DNAJC15: variants seen among roughly 807,000 people sequenced by gnomAD.
DNAJC15 encodes dnaJ homolog subfamily C member 15.
A neutral mutation model predicts 22.4 loss-of-function variants in DNAJC15; 27 were observed. The observed-to-expected ratio is 1.20, with a 90% confidence interval of 0.89 to 1.66. The LOEUF is 1.66. Among genes scored for constraint, DNAJC15 ranks in the 40% most tolerant of loss-of-function variants. DNAJC15 has a pLI of 0.00. For synonymous variants in DNAJC15, 79 were observed against 63.2 expected, an observed-to-expected ratio of 1.25 and a Z score of -1.19; for missense variants, 208 against 187.1, an observed-to-expected ratio of 1.11 and a Z score of -0.65.
chr13:43,027,211 C>A (rs2040384412), intron 1 of DNAJC15, among the ~76,000 whole-genome samples: 1 of 152,198 alleles, frequency 6.6e-6, no homozygotes, highest in South Asian at 2.1e-4. Context: ...CCATTACTTT[C>A]CTGAAAACTG....
At chr13:43,100,819 C>T (rs1166803520) in intron 5 of DNAJC15, among the ~76,000 whole-genome samples, 2 of 152,010 alleles carry the variant, frequency 1.3e-5, no homozygotes, top group African/African-American at 4.8e-5. Flanking sequence ...CCTTGTTGGT[C>T]TTTTGTGTGG....
At chr13:43,098,667 A>G (rs897244261) in intron 5 of DNAJC15, among the ~76,000 whole-genome samples, 8 of 152,158 alleles carry the variant, frequency 5.3e-5, no homozygotes, top group African/African-American at 1.9e-4. Context: ...CAATTTTGGA[A>G]CATTTTGATC....
chr13:43,056,702 G>C (rs2153440480), intron 1 of DNAJC15, among the ~76,000 whole-genome samples: 1 of 152,172 alleles, frequency 6.6e-6, no homozygotes, highest in East Asian at 1.9e-4. Context: ...TCCAGTGTTA[G>C]GTACATATAT....
chr13:43,087,828 C>A (rs186376550), intron 5 of DNAJC15, among the ~76,000 whole-genome samples: 46 of 152,180 alleles, frequency 3.0e-4, no homozygotes, highest in Admixed American at 2.6e-3. Flanking sequence ...TGGGAAATGG[C>A]TGAAAATAAA....
intron 1 of DNAJC15, among the ~76,000 whole-genome samples, chr13:43,034,239 C>G (rs943255119): frequency 7.0e-6 from 1 of 142,126 alleles, no homozygotes; most frequent in Admixed American, 6.7e-5. Context: ...GAGTTATGCT[C>G]TCCACTCCTT....
chr13:43,073,466 TTC>T (rs1291207256), intron 3 of DNAJC15, among the ~76,000 whole-genome samples: 1 of 133,808 alleles, frequency 7.5e-6, no homozygotes, highest in Non-Finnish European at 1.6e-5. Context: ...AGGCATATGG[TTC>T]TCTTTCTCAG....
At chr13:43,074,896 A>G (rs1271916387) in intron 3 of DNAJC15, among the ~76,000 whole-genome samples, 2 of 152,172 alleles carry the variant, frequency 1.3e-5, no homozygotes, top group African/African-American at 4.8e-5. Context: ...CATGTCTGCA[A>G]TGAAATGTAG....
intron 5 of DNAJC15, among the ~76,000 whole-genome samples, chr13:43,086,325 A>C (rs1323835749): frequency 1.3e-5 from 2 of 152,160 alleles, no homozygotes; most frequent in African/African-American, 4.8e-5. Flanking sequence ...TTTTAATGTA[A>C]ATTTATCTTA....
At chr13:43,082,993 G>T (rs2040670081) in intron 4 of DNAJC15, among the ~76,000 whole-genome samples, 1 of 151,768 alleles carries the variant, frequency 6.6e-6, no homozygotes. Flanking sequence ...TATGAAATAG[G>T]TTTTTAAAGC....
In DNAJC15 at chr13:43,109,050, C is replaced by T. The variant is rs918093585; in HGVS notation, c.*1802C>T. The T allele has an allele frequency of 6.6e-6, 1 of 152,172 alleles. No individual in the cohort carries two copies. The highest frequency in any genetic ancestry group is 1.5e-5 in the Non-Finnish European group (1 of 68,034). 9.4% of individuals were successfully genotyped at this position (152,172 alleles called of 1,614,324 possible). On this transcript the variant is annotated 3_prime_UTR_variant, in exon 6 of 6. Coordinates refer to ENST00000379221, the MANE Select transcript of DNAJC15 (RefSeq NM_013238.3). ...GCTGAAGGCCAAGCTAAAATGTATC[C>T]CTCTTTTTCTGGTACATGCAGCAAA... is the stretch of plus-strand genomic sequence containing the variant.
At chr13:43,032,293 T>C (rs1010179458) in intron 1 of DNAJC15, among the ~76,000 whole-genome samples, 1 of 152,196 alleles carries the variant, frequency 6.6e-6, no homozygotes, top group African/African-American at 2.4e-5. Flanking sequence ...CAGGAATTGA[T>C]TGGTGAATGC....
rs1173908459 is a variant in DNAJC15, at chr13:43,111,709, C to T, written c.*4461C>T. 6.6e-6 allele frequency: 1 copy of T among 152,164 alleles called. No individual in the cohort carries two copies. Among genetic ancestry groups the T allele is most frequent in the African/African-American group, 2.4e-5 (1 of 41,424 alleles). The allele number at this position is 152,164 out of a possible 1,614,324, so 9.4% of individuals were successfully genotyped here. Reference sequence around the variant, plus strand: ...TTTCACACAGTGGAACCATGCTGTCCTCGGGCACCCTGCACCTCGCCCAAC... The same window carrying T: ...TTTCACACAGTGGAACCATGCTGTCTTCGGGCACCCTGCACCTCGCCCAAC... On this transcript the variant is annotated 3_prime_UTR_variant, in exon 6 of 6. Coordinates refer to ENST00000379221, the MANE Select transcript of DNAJC15 (RefSeq NM_013238.3).
intron 1 of DNAJC15, among the ~76,000 whole-genome samples, chr13:43,050,078 C>T (rs942082262): frequency 6.6e-6 from 1 of 152,070 alleles, no homozygotes; most frequent in African/African-American, 2.4e-5. Flanking sequence ...GCCAACACAC[C>T]TGGCTAATTT....
At chr13:43,104,703 T>A (rs1388873357) in intron 5 of DNAJC15, among the ~76,000 whole-genome samples, 2 of 151,398 alleles carry the variant, frequency 1.3e-5, no homozygotes, top group Non-Finnish European at 2.9e-5. Flanking sequence ...CTTTTTTTTT[T>A]TTTGGAGATA....
At position 43,060,395 on chromosome 13, in the gene DNAJC15, C is replaced by T. The variant is rs145611113; in HGVS notation, c.109-5291C>T. ...GAAAGTAAACGAAAGACACAAGGTC[C>T]GAATAAAAGAAGGAGGAAAATAGGT... On this transcript the variant is annotated intron_variant, in intron 1 of 5. Coordinates refer to ENST00000379221, the MANE Select transcript of DNAJC15 (RefSeq NM_013238.3). Among the ~76,000 whole-genome samples the T allele has an allele frequency of 4.1e-4, 63 of 151,910 alleles. 1 individual carries two copies. In the East Asian group the frequency reaches 0.011, roughly 27 times the overall value.
intron 5 of DNAJC15, among the ~76,000 whole-genome samples, chr13:43,090,976 C>T (rs1183560244): frequency 6.6e-6 from 1 of 151,890 alleles, no homozygotes; most frequent in Non-Finnish European, 1.5e-5. Context: ...TGAGATTAGT[C>T]TTATTTCTAG....
chr13:43,063,876 TTTGA>T (rs1424280984), intron 1 of DNAJC15, among the ~76,000 whole-genome samples: 1 of 152,212 alleles, frequency 6.6e-6, no homozygotes, highest in South Asian at 2.1e-4. Context: ...AGTTGAATAG[TTTGA>T]TTGGACTAAC....
chr13:43,105,510 G>T (rs2040792130), intron 5 of DNAJC15, among the ~76,000 whole-genome samples: 1 of 152,144 alleles, frequency 6.6e-6, no homozygotes, highest in Non-Finnish European at 1.5e-5. Flanking sequence ...CTCTAACTTA[G>T]AGTGAGTGGT....
intron 5 of DNAJC15, among the ~76,000 whole-genome samples, chr13:43,103,508 C>A (rs2153442349): frequency 6.6e-6 from 1 of 152,280 alleles, no homozygotes; most frequent in South Asian, 2.1e-4. Context: ...TTAAATAGCA[C>A]CGTTTATTGT....
Sources: allele counts gnomAD v4.1 joint callset (sites outside exome capture counted in the v4.1 genomes callset), GRCh38; gene constraint gnomAD v4.1.1; transcripts MANE v1.5; gene names NCBI Gene and HGNC (gene_info 2026-07-23, HGNC 2026-07-21).